The following FBXO42 variants were observed in gnomAD, a reference collection of about 807,000 sequenced individuals.
The protein encoded by FBXO42 is F-box protein 42, also known as F-box only protein 42.
FBXO42 carries 12 observed loss-of-function variants against 71.7 expected under a neutral mutation model. The ratio of observed to expected loss-of-function variants is 0.17; its 90% CI spans 0.11 to 0.27. The LOEUF (loss-of-function observed/expected upper bound fraction) is 0.27. FBXO42 is among the 10% of genes least tolerant of loss of function. FBXO42 has a pLI of 1.00. For missense variants in FBXO42, 707 were observed against 911.9 expected, an observed-to-expected ratio of 0.78 and a Z score of 2.89; for synonymous variants, 325 against 327.5, an observed-to-expected ratio of 0.99 and a Z score of 0.08.
intron 1 of FBXO42, among the ~76,000 whole-genome samples, chr1:16,337,550 A>G (rs1427212907): frequency 6.6e-6 from 1 of 152,172 alleles, no homozygotes; most frequent in Non-Finnish European, 1.5e-5. Flanking sequence ...GAGATACTAT[A>G]AATTGTCATT....
intron 3 of FBXO42, among the ~76,000 whole-genome samples, 161 bp from the exon 4 acceptor site, chr1:16,295,078 A>G (rs952159000): frequency 1.2e-4 from 18 of 152,224 alleles, no homozygotes; most frequent in Non-Finnish European, 7.3e-5. Flanking sequence ...GTGGATCAAT[A>G]TATTACCCTT....
chr1:16,262,501 G>A (rs1054084780), intron 4 of FBXO42, among the ~76,000 whole-genome samples: 29 of 152,176 alleles, frequency 1.9e-4, no homozygotes, highest in African/African-American at 6.3e-4. Context: ...GAGGCCAGGC[G>A]TTTGAAACCA....
chr1:16,301,632 C>T (rs182257163), intron 3 of FBXO42, among the ~76,000 whole-genome samples: 2 of 146,948 alleles, frequency 1.4e-5, no homozygotes, highest in Non-Finnish European at 3.0e-5. Flanking sequence ...CACTGCACTC[C>T]AGCCTGGGTG....
intron 1 of FBXO42, among the ~76,000 whole-genome samples, chr1:16,341,013 T>C (rs2082598798): frequency 6.6e-6 from 1 of 152,036 alleles, no homozygotes; most frequent in South Asian, 2.1e-4. Flanking sequence ...AACAGACCAG[T>C]TGAACAAACT....
intron 4 of FBXO42, among the ~76,000 whole-genome samples, chr1:16,282,795 A>G (rs182977643): frequency 0.016 from 2,449 of 152,000 alleles, 65 homozygotes; most frequent in African/African-American, 0.055. Context: ...ACCCTGGCCA[A>G]CATGGTGAAA....
At chr1:16,344,767 T>C (rs1287310136) in intron 1 of FBXO42, among the ~76,000 whole-genome samples, 1 of 152,172 alleles carries the variant, frequency 6.6e-6, no homozygotes, top group Non-Finnish European at 1.5e-5. Context: ...ATGTGTTAAA[T>C]TCAGTTGTAA....
Position 16,256,683 on chromosome 1 carries a change from C to T in FBXO42, c.579G>A (p.Thr193=), listed in dbSNP as rs368638977. Residue 193 remains threonine (T), a synonymous_variant, in exon 5 of 10, where the codon ACG becomes ACA. Transcript: ENST00000375592. ...KDLLVLFGGW[T]RPSPYPLHQP... Reference sequence around the variant, plus strand: ...GGTGTAGGGGATAAGGGCTTGGCCGCGTCCAGCCACCAAACAGCACTAGCA... The same window carrying T: ...GGTGTAGGGGATAAGGGCTTGGCCGTGTCCAGCCACCAAACAGCACTAGCA... The T allele has an allele frequency of 4.3e-6, 7 of 1,614,148 alleles. No homozygotes were observed. The highest frequency in any genetic ancestry group is 5.9e-6 in the Non-Finnish European group (7 of 1,180,006).
chr1:16,348,233 C>T (rs1042721170), intron 1 of FBXO42, among the ~76,000 whole-genome samples: 23 of 152,012 alleles, frequency 1.5e-4, no homozygotes, highest in Non-Finnish European at 3.1e-4. Flanking sequence ...TAATACAGTG[C>T]CACATAAAAA....
Position 16,317,109 on chromosome 1 carries a change from C to T in FBXO42, c.-17-1674G>A, listed in dbSNP as rs183851926. Among the ~76,000 whole-genome samples, 393 of 152,074 alleles carry T rather than the reference C, an allele frequency of 2.6e-3. 2 individuals carry two copies. The highest frequency in any genetic ancestry group is 8.3e-3 in the African/African-American group (343 of 41,500). The stretch of plus-strand genomic sequence containing the variant: ...CAGCCTGACCAACATGGTGAAACTC[C>T]GTCTCTACTAAAAAATACAAAAATT... On this transcript the variant is annotated intron_variant, in intron 1 of 9. Coordinates refer to ENST00000375592, the MANE Select transcript of FBXO42 (RefSeq NM_018994.3).
intron 4 of FBXO42, among the ~76,000 whole-genome samples, chr1:16,258,112 A>G (rs2100438710): frequency 6.6e-6 from 1 of 152,278 alleles, no homozygotes; most frequent in South Asian, 2.1e-4. Context: ...AGATGCTCCA[A>G]TCTAGGTGGA....
At chr1:16,271,891 C>A (rs2081849555) in intron 4 of FBXO42, among the ~76,000 whole-genome samples, 1 of 151,452 alleles carries the variant, frequency 6.6e-6, no homozygotes, top group Non-Finnish European at 1.5e-5. Flanking sequence ...GTAATCTCAG[C>A]CCTCTGGGAG....
chr1:16,263,457 A>G (rs139970905), intron 4 of FBXO42, among the ~76,000 whole-genome samples: 53 of 152,030 alleles, frequency 3.5e-4, no homozygotes, highest in African/African-American at 1.3e-3. Flanking sequence ...AAGAGTACCT[A>G]CAAACTTTCT....
intron 3 of FBXO42, among the ~76,000 whole-genome samples, chr1:16,304,882 T>A (rs1557593562): frequency 2.0e-5 from 3 of 150,370 alleles, no homozygotes; most frequent in Admixed American, 6.6e-5. Context: ...GGCAGGAGAA[T>A]CATTTGAACC....
chr1:16,322,860 T>C (rs148810068), intron 1 of FBXO42, among the ~76,000 whole-genome samples: 16 of 152,324 alleles, frequency 1.1e-4, no homozygotes, highest in African/African-American at 3.6e-4. Flanking sequence ...TCTGAATTCA[T>C]TGGAGAAAAT....
At chr1:16,298,678 T>G (rs1386485667) in intron 3 of FBXO42, among the ~76,000 whole-genome samples, 1 of 151,966 alleles carries the variant, frequency 6.6e-6, no homozygotes, top group Non-Finnish European at 1.5e-5. Context: ...CCCAGCTAGT[T>G]TTTGTATTTT....
Position 16,251,402 on chromosome 1 carries a change from G to A in FBXO42, c.1422C>T (p.Tyr474=), listed in dbSNP as rs145526045. The A allele has an allele frequency of 3.7e-6, 6 of 1,613,940 alleles. No individual in the cohort carries two copies. Among genetic ancestry groups the A allele is most frequent in the African/African-American group, 1.3e-5 (1 of 74,898 alleles). Residue 474 remains tyrosine (Y), a synonymous_variant, in exon 10 of 10, where the codon TAC becomes TAT. Transcript: ENST00000375592. The surrounding 1 kb of genome is among the most constrained non-coding windows in gnomAD (Gnocchi z 4.5). ...SPSTPSAPEG[Y]DLKIGLSLAP... ...CCAAAGAAAGTCCTATTTTCAGGTCGTATCCTTCAGGAGCAGATGGAGTAC... is the reference window on the plus strand; with the variant it reads ...CCAAAGAAAGTCCTATTTTCAGGTCATATCCTTCAGGAGCAGATGGAGTAC...
chr1:16,335,367 G>C (rs1029928202), intron 1 of FBXO42, among the ~76,000 whole-genome samples: 2 of 152,010 alleles, frequency 1.3e-5, no homozygotes, highest in Non-Finnish European at 2.9e-5. Context: ...CAAACTCCTG[G>C]GTTCAAGTGA....
At chr1:16,309,298 C>G (rs774505454) in intron 2 of FBXO42, among the ~76,000 whole-genome samples, 7 of 150,426 alleles carry the variant, frequency 4.7e-5, no homozygotes, top group Non-Finnish European at 8.9e-5. Context: ...AGGATGGTCT[C>G]AATCTCTTGA....
At chr1:16,286,481 C>G (rs2082023754) in intron 4 of FBXO42, among the ~76,000 whole-genome samples, 1 of 152,134 alleles carries the variant, frequency 6.6e-6, no homozygotes, top group Non-Finnish European at 1.5e-5. Context: ...ATCATGAGAA[C>G]AGCATGGGCG....
Sources: gnomAD v4.1 joint callset for allele counts (sites outside exome capture counted in the v4.1 genomes callset) on GRCh38, gnomAD v4.1.1 for gene constraint, Gnocchi (gnomAD v3.1) non-coding constraint, MANE v1.5 for transcripts, NCBI Gene and HGNC (gene_info 2026-07-23, HGNC 2026-07-21) for gene names.